TMPO: variants seen among roughly 807,000 people sequenced by gnomAD.
The protein encoded by TMPO is LEM domain containing 4.
In TMPO, 22 loss-of-function variants were observed where a neutral mutation model predicts 45.4. The observed-to-expected ratio is 0.48, with a 90% CI of 0.35 to 0.69. The LOEUF (loss-of-function observed/expected upper bound fraction) is 0.69. Among genes scored for constraint, TMPO ranks in the 30% least tolerant of loss-of-function variants. The pLI is 0.01. For missense variants in TMPO, 512 were observed against 548.8 expected (o/e 0.93, Z 0.67); for synonymous variants, 241 against 204.1 (o/e 1.18, Z -1.54).
At chr12:98,520,418 T>C (rs1314439636) in intron 1 of TMPO, among the ~76,000 whole-genome samples, 1 of 151,534 alleles carries the variant, frequency 6.6e-6, no homozygotes, top group Non-Finnish European at 1.5e-5. Context: ...TTCTCCTACC[T>C]CAGCCTCCTG....
At chr12:98,517,162 T>C (rs1008468542) in intron 1 of TMPO, among the ~76,000 whole-genome samples, 1 of 152,200 alleles carries the variant, frequency 6.6e-6, no homozygotes, top group Non-Finnish European at 1.5e-5. Flanking sequence ...TCCCCACATA[T>C]TGGTAAATTT....
intron 3 of TMPO, chr12:98,534,875 T>C: frequency 3.0e-6 from 3 of 988,766 alleles, no homozygotes; most frequent in Non-Finnish European, 3.6e-6. Context: ...CATAGTAGTC[T>C]AGATCAATGC....
At position 98,516,104 on chromosome 12, in the gene TMPO, TGGGGCCGCC is replaced by T; in HGVS notation, c.239_247del (p.Gly80_Ala82del). On this transcript the variant is annotated inframe_deletion, in exon 1 of 9. Coordinates refer to ENST00000556029, the MANE Select transcript of TMPO (RefSeq NM_001032283.3). ...GCGAGCCCACCCCGGTCCTCGGCTC[TGGGGCCGCC>T]GCCGCGGGCCGGAGCCGAGCAGCCG... 1 of 1,550,734 alleles carries T rather than the reference TGGGGCCGCC, an allele frequency of 6.4e-7. No individual in the cohort carries two copies. Among genetic ancestry groups the T allele is most frequent in the Non-Finnish European group, 8.6e-7 (1 of 1,156,424 alleles).
intron 3 of TMPO, among the ~76,000 whole-genome samples, chr12:98,535,879 G>A (rs1451642281): frequency 6.6e-6 from 1 of 152,004 alleles, no homozygotes; most frequent in Non-Finnish European, 1.5e-5. Flanking sequence ...TACCTTATTC[G>A]TTTAACCGAT....
At chr12:98,535,712 C>T (rs1474298407) in intron 3 of TMPO, 13 of 943,900 alleles carry the variant, frequency 1.4e-5, no homozygotes, top group Non-Finnish European at 1.5e-5. Context: ...TGTATATGAA[C>T]ACCCCTTTTC....
chr12:98,516,104 TG>T lies in TMPO; in HGVS notation c.241del (p.Ala81ProfsTer30). ...EREPTPVLGSGAAAAGRSRAA... is the reference protein window; with the variant it reads ...EREPTPVLGSXAAAAGRSRAA... ...GCGAGCCCACCCCGGTCCTCGGCTC[TG>T]GGGCCGCCGCCGCGGGCCGGAGCCG... On this transcript the variant is annotated frameshift_variant, in exon 1 of 9. Coordinates refer to ENST00000556029, the MANE Select transcript of TMPO (RefSeq NM_001032283.3). LOFTEE classifies it high-confidence loss of function. 1 of 1,550,732 alleles carries T rather than the reference TG, an allele frequency of 6.4e-7. No homozygotes were observed.
intron 1 of TMPO, among the ~76,000 whole-genome samples, chr12:98,526,842 C>T (rs1272362083): frequency 6.6e-6 from 1 of 152,072 alleles, no homozygotes; most frequent in Non-Finnish European, 1.5e-5. Flanking sequence ...CCTGTACTCT[C>T]AGCTACTCGG....
Position 98,540,669 on chromosome 12 carries a change from C to T in TMPO, c.663+3097C>T, listed in dbSNP as rs1592952882. On this transcript the variant is annotated intron_variant, in intron 4 of 8. Transcript: ENST00000556029. ...CTGGGATTACAGGCGTGAGCCACTG[C>T]GCCTGGCGGAAACTATGTTTTAATT... 2.6e-5 allele frequency among the ~76,000 whole-genome samples: 4 copies of T among 152,198 alleles called. No homozygotes were observed. The South Asian group carries it at 6.2e-4, about 24-fold the overall frequency.
At chr12:98,528,402 G>C (rs1374425872) in intron 2 of TMPO, among the ~76,000 whole-genome samples, 1 of 151,768 alleles carries the variant, frequency 6.6e-6, no homozygotes, top group African/African-American at 2.4e-5. Context: ...TCAGCCTCCT[G>C]AGTAGCTGGG....
At chr12:98,533,159 G>C in intron 3 of TMPO, 1 of 1,614,126 alleles carries the variant, frequency 6.2e-7, no homozygotes, top group Non-Finnish European at 8.5e-7. Flanking sequence ...CCTGAACACA[G>C]TGCCATGTTG....
At chr12:98,519,774 C>T (rs1041446107) in intron 1 of TMPO, among the ~76,000 whole-genome samples, 1 of 151,782 alleles carries the variant, frequency 6.6e-6, no homozygotes, top group African/African-American at 2.4e-5. Flanking sequence ...GGAGTCTGTT[C>T]GATGTTTTTA....
At chr12:98,547,044 C>G (rs1217518617) in intron 8 of TMPO, among the ~76,000 whole-genome samples, 1 of 150,102 alleles carries the variant, frequency 6.7e-6, no homozygotes, top group African/African-American at 2.5e-5. Context: ...TATCAGTGTT[C>G]TGAATATTCT....
chr12:98,544,291 C>T lies in TMPO; in HGVS notation c.725C>T (p.Pro242Leu), dbSNP rs961884815. The change falls in exon 5 of 9, where the codon CCT becomes CTT. Residue 242 changes from proline (P) to leucine (L), a missense_variant. Around this residue, in one of 3 missense-constraint regions of TMPO, gnomAD observed 299 missense variants for 296.7 expected, o/e 1.01. Transcript: ENST00000556029. ...ACAAGTGGATCTTCAAAAGGCGGAC[C>T]TCTGCAGGCATTAACTAGGGAATCT... is the stretch of plus-strand genomic sequence containing the variant. ...EWTSGSSKGG[P>L]LQALTRESTR... 6.2e-6 allele frequency: 10 copies of T among 1,613,942 alleles called. No individual in the cohort carries two copies. In the African/African-American group the frequency reaches 9.3e-5, roughly 15 times the overall value.
intron 3 of TMPO, chr12:98,532,063 CTT>C: frequency 2.1e-6 from 1 of 477,996 alleles, no homozygotes; most frequent in Non-Finnish European, 3.7e-6. Context: ...TGCAAGTTAA[CTT>C]TGTCTTTTTT....
chr12:98,519,446 C>T (rs539359497), intron 1 of TMPO, among the ~76,000 whole-genome samples: 5 of 152,224 alleles, frequency 3.3e-5, no homozygotes, highest in Admixed American at 2.6e-4. Context: ...TGATCTGTCC[C>T]CCTGGGCTTT....
At chr12:98,533,580 T>C in intron 3 of TMPO, 1 of 1,614,200 alleles carries the variant, frequency 6.2e-7, no homozygotes, top group Non-Finnish European at 8.5e-7. Flanking sequence ...AGGAAAGGGA[T>C]TCAGGTTCCT....
intron 2 of TMPO, among the ~76,000 whole-genome samples, chr12:98,528,646 T>C (rs917423639): frequency 6.6e-6 from 1 of 151,402 alleles, no homozygotes; most frequent in Non-Finnish European, 1.5e-5. Context: ...GTAACATAGC[T>C]GGGCAAATTT....
rs564934730 is a variant in TMPO, at chr12:98,515,718, C to G, written c.-150C>G. ...GTCCGGGTCTGGCTTGGCTTTGTGT[C>G]CGCGAGTTTTTGTTCCGCTCCGCAG... On this transcript the variant is annotated 5_prime_UTR_variant, in exon 1 of 9. Transcript: ENST00000556029. 1.3e-4 allele frequency: 199 copies of G among 1,498,846 alleles called. 1 individual carries two copies. Among genetic ancestry groups the G allele is most frequent in the South Asian group, 1.3e-3 (99 of 77,518 alleles). The allele number at this position is 1,498,846 out of a possible 1,614,324, so 92.8% of individuals were successfully genotyped here.
In TMPO at chr12:98,546,354, A is replaced by T. The variant is rs763258436; in HGVS notation, c.991-5A>T. ...GTGGTTGTTTGTTTGTCTGTTTCTT[A>T]TTAGGTGGGAGAAAAAACAGAGGAA... On this transcript the variant is annotated splice_polypyrimidine_tract_variant and splice_region_variant and intron_variant, in intron 7 of 8. Coordinates refer to ENST00000556029, the MANE Select transcript of TMPO (RefSeq NM_001032283.3). 5.6e-6 allele frequency: 9 copies of T among 1,598,126 alleles called. No individual in the cohort carries two copies. Among genetic ancestry groups the T allele is most frequent in the Non-Finnish European group, 7.7e-6 (9 of 1,165,856 alleles).
Sources: gnomAD v4.1 joint callset for allele counts (sites outside exome capture counted in the v4.1 genomes callset) on GRCh38, gnomAD v4.1.1 for gene constraint, gnomAD v4.1.1 regional missense constraint, MANE v1.5 for transcripts, NCBI Gene and HGNC (gene_info 2026-07-23, HGNC 2026-07-21) for gene names.